Variants in KCNIP4 observed in about 807,000 individuals in gnomAD.
KCNIP4 encodes the protein potassium voltage-gated channel interacting protein 4, also known as Kv channel-interacting protein 4.
KCNIP4 carries 12 observed loss-of-function variants against 34.0 expected under a neutral mutation model. The ratio of observed to expected loss-of-function variants is 0.35; its 90% CI spans 0.23 to 0.57. KCNIP4 has a LOEUF of 0.57. Ranked by LOEUF, KCNIP4 falls within the 20% of genes least tolerant of loss-of-function variation. The pLI, the probability that KCNIP4 is intolerant of heterozygous loss-of-function variation, is 0.83. For missense variants in KCNIP4, 238 were observed against 311.7 expected (o/e 0.76, Z 1.78); for synonymous variants, 124 against 102.2 (o/e 1.21, Z -1.29).
chr4:21,312,265 G>A (rs76042908), intron 1 of KCNIP4, among the ~76,000 whole-genome samples: 1,747 of 152,286 alleles, frequency 0.011, 26 homozygotes, highest in South Asian at 0.047. Context: ...TTATACATAT[G>A]TATTGACTCG....
At chr4:21,000,276 G>T (rs181793283) in intron 1 of KCNIP4, among the ~76,000 whole-genome samples, 1 of 152,022 alleles carries the variant, frequency 6.6e-6, no homozygotes, top group Non-Finnish European at 1.5e-5. Context: ...CGTCTCAGCC[G>T]CTGCCCTTGT....
chr4:21,108,735 A>C (rs1300621295), intron 1 of KCNIP4, among the ~76,000 whole-genome samples: 1 of 149,870 alleles, frequency 6.7e-6, no homozygotes. Flanking sequence ...GGTTTTATCT[A>C]CTTTTGGTCT....
At chr4:21,388,138 G>A (rs182952495) in intron 1 of KCNIP4, among the ~76,000 whole-genome samples, 1 of 46,424 alleles carries the variant, frequency 2.2e-5, no homozygotes, top group Non-Finnish European at 5.4e-5. Context: ...CTGAAAGAAA[G>A]AATGAGGGAA....
At chr4:20,769,394 G>T (rs1414026199) in intron 3 of KCNIP4, among the ~76,000 whole-genome samples, 3 of 152,130 alleles carry the variant, frequency 2.0e-5, no homozygotes, top group Admixed American at 6.5e-5. Context: ...ATGTAGAATT[G>T]TTTGATTTAC....
At chr4:21,497,568 G>A (rs1479262535) in intron 1 of KCNIP4, among the ~76,000 whole-genome samples, 4 of 151,992 alleles carry the variant, frequency 2.6e-5, no homozygotes, top group African/African-American at 9.7e-5. Context: ...TTTCATTAAA[G>A]CTATATAAAG....
At chr4:20,801,595 T>C (rs1312544749) in intron 3 of KCNIP4, among the ~76,000 whole-genome samples, 1 of 152,068 alleles carries the variant, frequency 6.6e-6, no homozygotes, top group Non-Finnish European at 1.5e-5. Context: ...GTGATAGAAG[T>C]TAAGCTGTTA....
intron 3 of KCNIP4, among the ~76,000 whole-genome samples, chr4:20,805,477 C>G (rs1197183241): frequency 4.0e-5 from 6 of 151,826 alleles, no homozygotes; most frequent in Non-Finnish European, 7.4e-5. Flanking sequence ...ATTTTTCTGT[C>G]TTTTTTTCTT....
chr4:21,166,417 G>A (rs1214173110), intron 1 of KCNIP4, among the ~76,000 whole-genome samples: 1 of 152,168 alleles, frequency 6.6e-6, no homozygotes, highest in Non-Finnish European at 1.5e-5. Context: ...TACCAAGTAT[G>A]GTGAGGAGGT....
At chr4:20,834,129 C>G (rs1268738826) in intron 3 of KCNIP4, among the ~76,000 whole-genome samples, 2 of 152,096 alleles carry the variant, frequency 1.3e-5, no homozygotes, top group African/African-American at 2.4e-5. Flanking sequence ...AAACAAGGAC[C>G]AAACAAACCA....
At chr4:20,870,613 C>A (rs1368379968) in intron 2 of KCNIP4, among the ~76,000 whole-genome samples, 1 of 152,096 alleles carries the variant, frequency 6.6e-6, no homozygotes, top group East Asian at 1.9e-4. Flanking sequence ...TGTTGAATTG[C>A]TAATTGTGGG....
chr4:21,848,880 TA>T (rs1353023964), intron 1 of KCNIP4: 5 of 151,956 alleles, frequency 3.3e-5, no homozygotes, highest in Non-Finnish European at 7.4e-5. Context: ...ATGTGGGTTC[TA>T]AAAATGAATG....
chr4:21,203,809 G>A (rs988935971), intron 1 of KCNIP4, among the ~76,000 whole-genome samples: 1 of 152,204 alleles, frequency 6.6e-6, no homozygotes, highest in East Asian at 1.9e-4. Flanking sequence ...GTGATATGAG[G>A]TTAGAGGGAA....
chr4:21,594,765 A>C (rs1406676986), intron 1 of KCNIP4, among the ~76,000 whole-genome samples: 1 of 142,964 alleles, frequency 7.0e-6, no homozygotes, highest in Non-Finnish European at 1.5e-5. Flanking sequence ...AAACTTCTGC[A>C]CATAAGAACA....
intron 1 of KCNIP4, among the ~76,000 whole-genome samples, chr4:20,915,924 C>T (rs1728766558): frequency 6.6e-6 from 1 of 152,080 alleles, no homozygotes; most frequent in Non-Finnish European, 1.5e-5. Flanking sequence ...ACAAAAAAGA[C>T]CTTGGGGCAC....
intron 1 of KCNIP4, among the ~76,000 whole-genome samples, chr4:21,722,456 A>G (rs1217805057): frequency 5.9e-5 from 9 of 152,170 alleles, no homozygotes; most frequent in Admixed American, 5.2e-4. Context: ...CATTCTAAAG[A>G]GAAACAGAAT....
At chr4:21,909,884 T>C (rs1260217150) in intron 1 of KCNIP4, among the ~76,000 whole-genome samples, 1 of 151,998 alleles carries the variant, frequency 6.6e-6, no homozygotes, top group South Asian at 2.1e-4. Flanking sequence ...ACTTATTCAC[T>C]ACCACAAGGA....
intron 5 of KCNIP4, among the ~76,000 whole-genome samples, chr4:20,745,968 G>A (rs1752329929): frequency 6.6e-6 from 1 of 152,182 alleles, no homozygotes; most frequent in African/African-American, 2.4e-5. Context: ...GAAGACTGTG[G>A]CGATTCCTCA....
At chr4:21,184,206 C>T (rs2109330911) in intron 1 of KCNIP4, among the ~76,000 whole-genome samples, 1 of 152,080 alleles carries the variant, frequency 6.6e-6, no homozygotes, top group Middle Eastern at 3.4e-3. Flanking sequence ...TAGTACCTGC[C>T]TCATAGGATT....
intron 1 of KCNIP4, among the ~76,000 whole-genome samples, chr4:21,761,600 A>G (rs527496102): frequency 6.7e-6 from 1 of 149,504 alleles, no homozygotes; most frequent in Admixed American, 6.7e-5. Context: ...TGCAATATAT[A>G]ATATTAACAT....
Sources: gnomAD v4.1 joint callset for allele counts (sites outside exome capture counted in the v4.1 genomes callset) on GRCh38, gnomAD v4.1.1 for gene constraint, MANE v1.5 for transcripts, NCBI Gene and HGNC (gene_info 2026-07-23, HGNC 2026-07-21) for gene names.